Variants in C12orf43 observed in about 807,000 individuals in gnomAD.
The protein encoded by C12orf43 is chromosome 12 open reading frame 43.
Under a neutral mutation model 20.6 loss-of-function variants are expected in C12orf43, and 15 were observed. The observed-to-expected ratio is 0.73, with a 90% CI of 0.49 to 1.12. C12orf43 has a LOEUF of 1.12. C12orf43 is among the 50% of genes most tolerant of loss of function. The pLI is 0.00. For missense variants in C12orf43, 334 were observed against 344.4 expected, an observed-to-expected ratio of 0.97 and a Z score of 0.24; for synonymous variants, 144 against 130.8, an observed-to-expected ratio of 1.10 and a Z score of -0.69.
In C12orf43 at chr12:121,011,108, G is replaced by C. The variant is rs1240732721; in HGVS notation, c.184C>G (p.Leu62Val). The change falls in exon 2 of 6, where the codon CTC becomes GTC. Residue 62 changes from leucine to valine, a missense_variant. Physicochemically the swap from Leu to Val is conservative, Grantham distance 32 (BLOSUM62 1). Transcript: ENST00000288757. Reference sequence around the variant, plus strand: ...TGAACCCAAAGTGCATAGTACCTGAGGCTCGGTTGGGAGGTTGACAACTGG... The same window carrying C: ...TGAACCCAAAGTGCATAGTACCTGACGCTCGGTTGGGAGGTTGACAACTGG... ...NSQLSTSQPS[L>V]RHKVNEHEQD... is the part of the protein sequence containing the mutation. The C allele has an allele frequency of 2.5e-6, 4 of 1,614,054 alleles. No homozygotes were observed. Among genetic ancestry groups the C allele is most frequent in the Non-Finnish European group, 3.4e-6 (4 of 1,179,972 alleles).
intron 1 of C12orf43, 63 bp downstream of exon 1, chr12:121,016,267 C>T: frequency 6.2e-7 from 1 of 1,608,232 alleles, no homozygotes; most frequent in Non-Finnish European, 8.5e-7. Context: ...ACCATCCATC[C>T]TCTCAGGCTC....
Position 121,004,553 on chromosome 12 carries a change from C to T in C12orf43, c.453-64G>A, listed in dbSNP as rs548169633. On this transcript the variant is annotated intron_variant, in intron 5 of 5. Coordinates refer to ENST00000288757, the MANE Select transcript of C12orf43 (RefSeq NM_022895.3). This position sits in a 1 kb window ranked among gnomAD's most constrained non-coding sequence, Gnocchi z 5.6. The stretch of plus-strand genomic sequence containing the variant: ...AGGACACAGCCCCAGAGCTGCCTCT[C>T]GCTGTCCTCCCTTGGTCCAGGTCAC... 11 of 1,473,442 alleles carry T rather than the reference C, an allele frequency of 7.5e-6. No individual in the cohort carries two copies. Among genetic ancestry groups the T allele is most frequent in the East Asian group, 4.5e-5 (2 of 44,118 alleles). 91.3% of individuals were successfully genotyped at this position (1,473,442 alleles called of 1,614,324 possible). A position where few individuals can be genotyped will look rare whatever the true frequency, so the allele number is the denominator to read the frequency against.
At chr12:121,015,577 T>C (rs1010836739) in intron 1 of C12orf43, among the ~76,000 whole-genome samples, 1 of 152,240 alleles carries the variant, frequency 6.6e-6, no homozygotes, top group Non-Finnish European at 1.5e-5. Flanking sequence ...ATCTTAGATA[T>C]AGAGATGGGT....
chr12:121,015,029 T>G (rs1296722292), intron 1 of C12orf43, among the ~76,000 whole-genome samples: 1 of 152,072 alleles, frequency 6.6e-6, no homozygotes, highest in Non-Finnish European at 1.5e-5. Flanking sequence ...ACCAACCACA[T>G]ATTTGCCACC....
intron 1 of C12orf43, 63 bp downstream of exon 1, chr12:121,016,267 C>G: frequency 6.2e-7 from 1 of 1,608,232 alleles, no homozygotes; most frequent in South Asian, 1.1e-5. Context: ...ACCATCCATC[C>G]TCTCAGGCTC....
Position 121,000,641 on chromosome 12 carries a change from T to C in C12orf43, c.*3512A>G. 2 of 251,858 alleles carry C rather than the reference T, an allele frequency of 7.9e-6. No homozygotes were observed. The highest frequency in any genetic ancestry group is 1.6e-5 in the Non-Finnish European group (2 of 126,906). The allele number at this position is 251,858 out of a possible 1,614,324, so 15.6% of individuals were successfully genotyped here. A position where few individuals can be genotyped will look rare whatever the true frequency, so the allele number is the denominator to read the frequency against. ...TCTCTGGGAAACCGGTTTTTGCTCT[T>C]ACGGCCTTCCACTGATGTAGGAGGC... is the stretch of plus-strand genomic sequence containing the variant. On this transcript the variant is annotated 3_prime_UTR_variant, in exon 6 of 6. Transcript: ENST00000288757.
chr12:121,011,709 C>T (rs1370294820), intron 1 of C12orf43, among the ~76,000 whole-genome samples: 2 of 152,178 alleles, frequency 1.3e-5, no homozygotes, highest in Non-Finnish European at 2.9e-5. Context: ...CCCCTCTTAA[C>T]CACCACGCTG....
Position 121,005,506 on chromosome 12 carries a change from C to T in C12orf43, c.362-413G>A, listed in dbSNP as rs1156778405. ...GATGCCTGATGGAGCCAGTGGAGGG[C>T]GCGCTGGAGCAGGAGCCAGCAGCCA... On this transcript the variant is annotated intron_variant, in intron 4 of 5. Transcript: ENST00000288757. This position sits in a 1 kb window ranked among gnomAD's most constrained non-coding sequence, Gnocchi z 5.6. Among the ~76,000 whole-genome samples the T allele has an allele frequency of 6.6e-6, 1 of 152,234 alleles. No individual in the cohort carries two copies. The highest frequency in any genetic ancestry group is 1.5e-5 in the Non-Finnish European group (1 of 68,046).
intron 3 of C12orf43, among the ~76,000 whole-genome samples, chr12:121,009,450 G>A (rs1382007999): frequency 6.6e-6 from 1 of 152,156 alleles, no homozygotes; most frequent in African/African-American, 2.4e-5. Context: ...TCTCCAAAAA[G>A]AGAAAAGAAA....
At chr12:121,012,266 A>G (rs1386823498) in intron 1 of C12orf43, among the ~76,000 whole-genome samples, 1 of 152,202 alleles carries the variant, frequency 6.6e-6, no homozygotes. Flanking sequence ...TAGAACCAGC[A>G]AGGAGGTCAG....
chr12:121,014,645 C>CA (rs58063900), intron 1 of C12orf43, among the ~76,000 whole-genome samples: 1 of 117,676 alleles, frequency 8.5e-6, no homozygotes, highest in African/African-American at 3.3e-5. Flanking sequence ...AAAAAAAATG[C>CA]AAAAAAAAAA....
chr12:121,008,197 C>T (rs191648466), intron 3 of C12orf43, among the ~76,000 whole-genome samples: 4 of 151,852 alleles, frequency 2.6e-5, no homozygotes, highest in East Asian at 3.9e-4. Flanking sequence ...TGCAGTGGCA[C>T]GATCTCAGCT....
intron 3 of C12orf43, among the ~76,000 whole-genome samples, chr12:121,008,086 G>A (rs1878158145): frequency 6.6e-6 from 1 of 151,936 alleles, no homozygotes; most frequent in Admixed American, 6.6e-5. Context: ...TAGCGCCAAG[G>A]TTGAGAGACA....
intron 1 of C12orf43, among the ~76,000 whole-genome samples, chr12:121,015,297 C>T (rs1233453138): frequency 3.3e-5 from 5 of 152,106 alleles, no homozygotes; most frequent in African/African-American, 1.2e-4. Context: ...AAGCTACCTA[C>T]AGGAAGTGCA....
chr12:121,001,060 T>C lies in C12orf43; in HGVS notation c.*3093A>G, dbSNP rs776261019. On this transcript the variant is annotated 3_prime_UTR_variant, in exon 6 of 6. Coordinates refer to ENST00000288757, the MANE Select transcript of C12orf43 (RefSeq NM_022895.3). ...GGTGGCTAGCAGCCTTGTTTGCCTC[T>C]GCAGTGTCCTCCAGCAGCCTGGTGC... 1.9e-6 allele frequency: 3 copies of C among 1,613,148 alleles called. No homozygotes were observed. The Admixed American group carries it at 5.0e-5, about 27-fold the overall frequency.
intron 3 of C12orf43, among the ~76,000 whole-genome samples, chr12:121,009,563 T>C (rs1878287708): frequency 1.3e-5 from 2 of 152,140 alleles, no homozygotes; most frequent in African/African-American, 4.8e-5. Flanking sequence ...TTGCTGCTCC[T>C]ATAAAAAAGG....
intron 3 of C12orf43, 48 bp from the exon 4 acceptor site, chr12:121,006,442 G>T: frequency 1.3e-6 from 2 of 1,564,744 alleles, no homozygotes; most frequent in South Asian, 2.2e-5. Context: ...TTTGGATAAC[G>T]ACAAAAACAA....
Position 121,006,479 on chromosome 12 carries a change from G to T in C12orf43, c.288-85C>A. 5 of 1,316,396 alleles carry T rather than the reference G, an allele frequency of 3.8e-6. No individual in the cohort carries two copies. The South Asian group carries it at 4.7e-5, about 12-fold the overall frequency. 81.5% of individuals were successfully genotyped at this position (1,316,396 alleles called of 1,614,324 possible). A position where few individuals can be genotyped will look rare whatever the true frequency, so the allele number is the denominator to read the frequency against. ...ATTCTTTTTCAAGTGGAGGGGATGG[G>T]GTATGTGATTGTAAATGCAAAAGCG... On this transcript the variant is annotated intron_variant, in intron 3 of 5. Transcript: ENST00000288757.
intron 1 of C12orf43, among the ~76,000 whole-genome samples, chr12:121,012,213 A>G (rs1203070233): frequency 1.3e-5 from 2 of 152,202 alleles, no homozygotes; most frequent in Non-Finnish European, 2.9e-5. Flanking sequence ...GCAGAGGGAA[A>G]GCATCTGCAA....
Sources: allele counts gnomAD v4.1 joint callset (sites outside exome capture counted in the v4.1 genomes callset), GRCh38; gene constraint gnomAD v4.1.1; non-coding constraint Gnocchi (gnomAD v3.1); transcripts MANE v1.5; gene names NCBI Gene and HGNC (gene_info 2026-07-23, HGNC 2026-07-21).